The following TCF12 variants were observed in gnomAD, a reference collection of about 807,000 sequenced individuals.
The protein encoded by TCF12 is transcription factor 12, also known as DNA-binding protein HTF4.
Under a neutral mutation model 86.0 loss-of-function variants are expected in TCF12, and 45 were observed. The observed-to-expected ratio is 0.52, with a 90% CI of 0.41 to 0.67. The LOEUF (loss-of-function observed/expected upper bound fraction) is 0.67. Among genes scored for constraint, TCF12 ranks in the 30% least tolerant of loss-of-function variants. TCF12 has a pLI of 0.00. For missense variants in TCF12, 881 were observed against 859.9 expected, an observed-to-expected ratio of 1.02 and a Z score of -0.31; for synonymous variants, 330 against 299.6, an observed-to-expected ratio of 1.10 and a Z score of -1.05.
intron 3 of TCF12, among the ~76,000 whole-genome samples, chr15:57,048,510 C>T (rs2067391382): frequency 6.6e-6 from 1 of 152,158 alleles, no homozygotes. Context: ...ATCTGCCCTC[C>T]TCGGCCTCCC....
intron 4 of TCF12, among the ~76,000 whole-genome samples, chr15:57,078,749 C>CA (rs2070363973): frequency 6.6e-6 from 1 of 152,050 alleles, no homozygotes; most frequent in Non-Finnish European, 1.5e-5. Flanking sequence ...GATGAAGTAT[C>CA]AAAAAGCACA....
chr15:57,123,458 C>A (rs1358293402), intron 5 of TCF12, among the ~76,000 whole-genome samples: 1 of 151,460 alleles, frequency 6.6e-6, no homozygotes, highest in African/African-American at 2.4e-5. Context: ...TCTTTCATTT[C>A]TTCTAATTAG....
intron 3 of TCF12, among the ~76,000 whole-genome samples, chr15:57,031,611 C>G (rs1352278912): frequency 6.6e-6 from 1 of 152,116 alleles, no homozygotes; most frequent in South Asian, 2.1e-4. Context: ...AAAATCTGGA[C>G]AGAATACATG....
At chr15:57,218,297 A>G (rs955856357) in intron 8 of TCF12, among the ~76,000 whole-genome samples, 1 of 152,210 alleles carries the variant, frequency 6.6e-6, no homozygotes, top group African/African-American at 2.4e-5. Flanking sequence ...GAAGGATAGT[A>G]CAAAGAAGTT....
chr15:56,948,356 A>C (rs1226998588), intron 3 of TCF12, among the ~76,000 whole-genome samples: 1 of 152,224 alleles, frequency 6.6e-6, no homozygotes, highest in East Asian at 1.9e-4. Flanking sequence ...AGCCTGCATA[A>C]GGTTGCTCTG....
At chr15:56,985,979 G>A (rs544628800) in intron 3 of TCF12, among the ~76,000 whole-genome samples, 13 of 152,074 alleles carry the variant, frequency 8.5e-5, no homozygotes, top group African/African-American at 2.9e-4. Context: ...AAGGGAAGAG[G>A]GATATTTTGA....
chr15:56,925,217 A>AG (rs1379101029), intron 3 of TCF12, among the ~76,000 whole-genome samples: 16 of 151,424 alleles, frequency 1.1e-4, no homozygotes, highest in Admixed American at 9.2e-4. Flanking sequence ...ACAAAAAAAA[A>AG]CCACAAACAA....
Position 57,229,456 on chromosome 15 carries a change from T to C in TCF12, c.580-1696T>C, listed in dbSNP as rs1396263412. Among the ~76,000 whole-genome samples the C allele has an allele frequency of 4.0e-5, 6 of 151,660 alleles. No individual in the cohort carries two copies. In the East Asian group the frequency reaches 9.6e-4, roughly 24 times the overall value. On this transcript the variant is annotated intron_variant, in intron 8 of 20. Coordinates refer to ENST00000333725, the MANE Select transcript of TCF12 (RefSeq NM_207037.2). ...CTCAGGTACCACAGATGTGTGTTTT[T>C]ACCTCTGGGATGTGAAAGGTAGGAA...
chr15:57,103,941 G>A (rs748682835), intron 5 of TCF12, among the ~76,000 whole-genome samples: 5 of 152,124 alleles, frequency 3.3e-5, no homozygotes, highest in African/African-American at 1.2e-4. Flanking sequence ...CCGGGAGGTG[G>A]AGGTTGCAGT....
At chr15:57,000,242 A>G (rs576355475) in intron 3 of TCF12, among the ~76,000 whole-genome samples, 1 of 152,112 alleles carries the variant, frequency 6.6e-6, no homozygotes, top group African/African-American at 2.4e-5. Context: ...TGGCACCATC[A>G]TAGTTCGTTA....
chr15:57,178,887 C>G lies in TCF12; in HGVS notation c.390+12421C>G, dbSNP rs2615251. ...TTCTTATTCCATATTTGTAATTATT[C>G]AAATATTGCATATATTAAAATGACA... On this transcript the variant is annotated intron_variant, in intron 6 of 20. Coordinates refer to ENST00000333725, the MANE Select transcript of TCF12 (RefSeq NM_207037.2). 5.8e-4 allele frequency among the ~76,000 whole-genome samples: 89 copies of G among 152,156 alleles called. 1 individual carries two copies. In the East Asian group the frequency reaches 0.016, roughly 27 times the overall value.
Position 56,919,904 on chromosome 15 carries a change from G to A in TCF12, c.-10G>A, listed in dbSNP as rs750667069. ...TCCTCTGCCCTAGGACCTGCTAGAA[G>A]TGGCCGAAGATGAATCCCCAGCAAC... On this transcript the variant is annotated 5_prime_UTR_variant, in exon 2 of 21. The change creates a new upstream start codon in the 5' untranslated region. Coordinates refer to ENST00000333725, the MANE Select transcript of TCF12 (RefSeq NM_207037.2). 1 of 1,614,010 alleles carries A rather than the reference G, an allele frequency of 6.2e-7. No homozygotes were observed.
At chr15:57,007,755 C>CTTCTTTCTTTCT (rs61173765) in intron 3 of TCF12, among the ~76,000 whole-genome samples, 211 of 83,972 alleles carry the variant, frequency 2.5e-3, no homozygotes, top group African/African-American at 8.4e-3. Context: ...AATATTTTTC[C>CTTCTTTCTTTCT]TTCTTTCTTT....
chr15:57,162,990 A>G (rs2054603202), intron 5 of TCF12, among the ~76,000 whole-genome samples: 1 of 152,128 alleles, frequency 6.6e-6, no homozygotes, highest in African/African-American at 2.4e-5. Flanking sequence ...CCTGGCCAAC[A>G]TAGTGAAACC....
intron 13 of TCF12, chr15:57,251,114 T>TG: frequency 2.4e-6 from 1 of 414,124 alleles, no homozygotes; most frequent in South Asian, 3.7e-5. Flanking sequence ...TAAAGGTAGC[T>TG]GTATTTAAAA....
At chr15:57,014,133 T>G (rs2065004756) in intron 3 of TCF12, among the ~76,000 whole-genome samples, 1 of 152,208 alleles carries the variant, frequency 6.6e-6, no homozygotes, top group Admixed American at 6.5e-5. Context: ...CTTTGACTCC[T>G]TGGGTCTATT....
intron 5 of TCF12, among the ~76,000 whole-genome samples, chr15:57,104,861 G>GTTTTTTTTTT (rs11336613): frequency 1.4e-3 from 98 of 71,482 alleles, no homozygotes; most frequent in African/African-American, 2.0e-3. Flanking sequence ...CTTTGGTGGT[G>GTTTTTTTTTT]TTTTTTTTTT....
chr15:57,069,631 A>G (rs184681254), intron 4 of TCF12, among the ~76,000 whole-genome samples: 7 of 150,808 alleles, frequency 4.6e-5, no homozygotes, highest in African/African-American at 1.7e-4. Context: ...TTTGTGCTGT[A>G]TGTAGAGATT....
chr15:57,244,703 C>T (rs769203550), intron 13 of TCF12, among the ~76,000 whole-genome samples: 13 of 151,760 alleles, frequency 8.6e-5, no homozygotes, highest in Non-Finnish European at 1.6e-4. Context: ...TCAAGTGATC[C>T]ACCTGCTTCA....
Sources: gnomAD v4.1 joint callset for allele counts (sites outside exome capture counted in the v4.1 genomes callset) on GRCh38, gnomAD v4.1.1 for gene constraint, MANE v1.5 for transcripts, NCBI Gene and HGNC (gene_info 2026-07-23, HGNC 2026-07-21) for gene names.